Variants in OR51B5 observed in about 807,000 individuals in gnomAD.
OR51B5 encodes the protein olfactory receptor family 51 subfamily B member 5.
For synonymous variants in OR51B5, 186 were observed against 144.8 expected (o/e 1.28, Z -2.04); for missense variants, 456 against 374.6 (o/e 1.22, Z -1.79).
At chr11:5,396,494 C>T (rs1265487925) in intron 1 of OR51B5, among the ~76,000 whole-genome samples, 1 of 152,022 alleles carries the variant, frequency 6.6e-6, no homozygotes, top group East Asian at 1.9e-4. Context: ...AGGAATCCAA[C>T]TTACAAGGGA....
chr11:5,425,496 T>C (rs192639205), intron 1 of OR51B5, among the ~76,000 whole-genome samples: 278 of 152,346 alleles, frequency 1.8e-3, no homozygotes, highest in African/African-American at 6.3e-3. Flanking sequence ...TGAGATAAAC[T>C]GTTTATTGTC....
chr11:5,342,766 C>G (rs1848916468), exon 1 of OR51B5: 5 of 1,613,440 alleles, frequency 3.1e-6, no homozygotes, highest in Non-Finnish European at 4.2e-6. Flanking sequence ...ACAATCCAAT[C>G]ACTGTGACAT....
At chr11:5,460,331 A>G (rs1180537723) in intron 1 of OR51B5, among the ~76,000 whole-genome samples, 1 of 152,214 alleles carries the variant, frequency 6.6e-6, no homozygotes, top group Admixed American at 6.5e-5. Flanking sequence ...TTTGTAGAAT[A>G]AATTCCCATG....
chr11:5,367,539 G>T (rs1226601202), intron 1 of OR51B5, among the ~76,000 whole-genome samples: 2 of 152,160 alleles, frequency 1.3e-5, no homozygotes, highest in East Asian at 3.9e-4. Context: ...GTAGCAGTGA[G>T]GACTACCAGA....
At chr11:5,419,133 TTCTTA>T (rs1458998161) in intron 1 of OR51B5, among the ~76,000 whole-genome samples, 1 of 152,216 alleles carries the variant, frequency 6.6e-6, no homozygotes, top group Admixed American at 6.5e-5. Context: ...GATGTAAGAT[TTCTTA>T]TCTTCTCTAT....
intron 1 of OR51B5, among the ~76,000 whole-genome samples, chr11:5,363,235 CCTCACACA>C (rs1564921920): frequency 5.9e-5 from 5 of 85,368 alleles, no homozygotes; most frequent in Middle Eastern, 5.5e-3. Context: ...GAACCCAACC[CCTCACACA>C]CACACACACA....
chr11:5,340,974 GT>G (rs1232210082), downstream of OR51B5: 1 of 152,120 alleles, frequency 6.6e-6, no homozygotes, highest in African/African-American at 2.4e-5. Flanking sequence ...TCACAATTTA[GT>G]ATTCAGACTG....
intron 1 of OR51B5, among the ~76,000 whole-genome samples, chr11:5,384,617 T>G (rs909675601): frequency 6.6e-6 from 1 of 152,206 alleles, no homozygotes; most frequent in African/African-American, 2.4e-5. Context: ...AGCCCTCTGG[T>G]CTCTATACTC....
downstream of OR51B5, chr11:5,340,398 C>T (rs1848875978): frequency 6.6e-6 from 1 of 151,612 alleles, no homozygotes; most frequent in African/African-American, 2.4e-5. Context: ...AGTTTGAAGT[C>T]ACTTGCCTGA....
chr11:5,428,253 C>T (rs1850478925), intron 1 of OR51B5, among the ~76,000 whole-genome samples: 1 of 151,066 alleles, frequency 6.6e-6, no homozygotes, highest in Non-Finnish European at 1.5e-5. Context: ...TCCAGACTGC[C>T]ACAATAAAGT....
chr11:5,449,566 A>G (rs1662588010), intron 1 of OR51B5, among the ~76,000 whole-genome samples: 1 of 152,204 alleles, frequency 6.6e-6, no homozygotes, highest in African/African-American at 2.4e-5. Context: ...ACTGCCATGT[A>G]CTGATTGTAT....
intron 1 of OR51B5, among the ~76,000 whole-genome samples, chr11:5,363,938 TC>T (rs1172757223): frequency 2.0e-5 from 3 of 152,152 alleles, no homozygotes; most frequent in South Asian, 4.1e-4. Context: ...CAGACCCATT[TC>T]TGTAAAGGAG....
At chr11:5,436,504 G>A (rs10768952) in intron 1 of OR51B5, among the ~76,000 whole-genome samples, 62,875 of 152,030 alleles carry the variant, frequency 0.41, 14,820 homozygotes, top group Non-Finnish European at 0.53. Flanking sequence ...GTGTGGGACA[G>A]AACAGAGGCA....
chr11:5,356,247 C>A (rs2133692949), intron 1 of OR51B5, among the ~76,000 whole-genome samples: 1 of 152,044 alleles, frequency 6.6e-6, no homozygotes, highest in African/African-American at 2.4e-5. Flanking sequence ...AGACTAATGG[C>A]TAACTAGAAT....
chr11:5,359,347 T>C (rs368156088), intron 1 of OR51B5, among the ~76,000 whole-genome samples: 18 of 146,606 alleles, frequency 1.2e-4, no homozygotes, highest in African/African-American at 3.0e-4. Context: ...TATACACCAA[T>C]AACAGACAAA....
chr11:5,473,076 T>G (rs1299347191), intron 1 of OR51B5, among the ~76,000 whole-genome samples: 1 of 152,228 alleles, frequency 6.6e-6, no homozygotes. Context: ...GAAAATTAGT[T>G]GATATGTTCA....
At chr11:5,342,757 C>T (rs1042138123) in exon 1 of OR51B5, 1 of 1,613,666 alleles carries the variant, frequency 6.2e-7, no homozygotes, top group Non-Finnish European at 8.5e-7. Flanking sequence ...GAATCAGAGA[C>T]AATCCAATCA....
intron 1 of OR51B5, among the ~76,000 whole-genome samples, chr11:5,483,901 C>T (rs949077202): frequency 4.5e-4 from 69 of 152,236 alleles, no homozygotes; most frequent in South Asian, 2.3e-3. Context: ...CATTTCAACA[C>T]GAATTACACA....
intron 1 of OR51B5, among the ~76,000 whole-genome samples, chr11:5,368,026 C>A (rs1250062645): frequency 6.6e-6 from 1 of 152,162 alleles, no homozygotes; most frequent in Non-Finnish European, 1.5e-5. Flanking sequence ...ATATCTTACA[C>A]CCCACAACTA....
Sources: allele counts gnomAD v4.1 joint callset (sites outside exome capture counted in the v4.1 genomes callset), GRCh38; gene constraint gnomAD v4.1.1; transcripts MANE v1.5; gene names NCBI Gene and HGNC (gene_info 2026-07-23, HGNC 2026-07-21).